SAMMSON: variants seen among roughly 807,000 people sequenced by gnomAD.
SAMMSON encodes the protein long intergenic non-protein coding RNA 1212.
Position 70,076,798 on chromosome 3 carries a change from A to T in SAMMSON, n.507+5233A>T. ...TTTGGAATGCGTTTCTACCACACTAATGAAGTGGAATTGGCAGTTCAGGTT... is the reference window on the plus strand; with the variant it reads ...TTTGGAATGCGTTTCTACCACACTATTGAAGTGGAATTGGCAGTTCAGGTT... On this transcript the variant is annotated intron_variant and non_coding_transcript_variant, in intron 4 of 9. Coordinates refer to ENST00000642114, the Ensembl canonical transcript of SAMMSON. Among the ~76,000 whole-genome samples, 2 of 152,212 alleles carry T rather than the reference A, an allele frequency of 1.3e-5. 1 individual carries two copies. Among genetic ancestry groups the T allele is most frequent in the African/African-American group, 4.8e-5 (2 of 41,464 alleles).
chr3:70,385,643 G>A (rs2106754381), intron 9 of SAMMSON, among the ~76,000 whole-genome samples: 1 of 152,136 alleles, frequency 6.6e-6, no homozygotes, highest in East Asian at 1.9e-4. Flanking sequence ...GCAATAGTCT[G>A]TCAATACTGA....
chr3:70,417,416 C>T (rs960630826), intron 2 of SAMMSON, among the ~76,000 whole-genome samples: 1 of 152,176 alleles, frequency 6.6e-6, no homozygotes, highest in Non-Finnish European at 1.5e-5. Context: ...ATCCAACTTT[C>T]TCTGTACAAT....
intron 4 of SAMMSON, among the ~76,000 whole-genome samples, chr3:70,207,584 C>T (rs1467489352): frequency 6.6e-6 from 1 of 151,818 alleles, no homozygotes; most frequent in Non-Finnish European, 1.5e-5. Flanking sequence ...GTTTCACATC[C>T]CCAATACAAC....
chr3:70,337,633 T>C (rs1191670872), intron 7 of SAMMSON, among the ~76,000 whole-genome samples: 1 of 152,030 alleles, frequency 6.6e-6, no homozygotes, highest in Admixed American at 6.6e-5. Context: ...AAACTGATAG[T>C]TGAAGTTGTG....
intron 4 of SAMMSON, among the ~76,000 whole-genome samples, chr3:70,244,305 A>G (rs1206443024): frequency 2.0e-5 from 3 of 152,222 alleles, no homozygotes; most frequent in African/African-American, 4.8e-5. Flanking sequence ...CGACCACTGC[A>G]GTGTAGACTT....
At chr3:70,247,139 C>T (rs1341915914) in intron 4 of SAMMSON, among the ~76,000 whole-genome samples, 1 of 151,802 alleles carries the variant, frequency 6.6e-6, no homozygotes, top group Non-Finnish European at 1.5e-5. Context: ...TGAATTTATT[C>T]TTGGCCATTG....
chr3:70,416,407 T>A (rs1037718153), intron 2 of SAMMSON, among the ~76,000 whole-genome samples: 1 of 152,162 alleles, frequency 6.6e-6, no homozygotes, highest in African/African-American at 2.4e-5. Flanking sequence ...CTGGAGTACA[T>A]CTAGTTACAA....
chr3:70,401,889 T>G (rs1026152645), intron 2 of SAMMSON, among the ~76,000 whole-genome samples: 1 of 152,162 alleles, frequency 6.6e-6, no homozygotes, highest in African/African-American at 2.4e-5. Flanking sequence ...AGGTTCTTCT[T>G]TATACTGAAG....
intron 4 of SAMMSON, among the ~76,000 whole-genome samples, chr3:70,246,345 G>A (rs1157015872): frequency 6.6e-6 from 1 of 152,046 alleles, no homozygotes; most frequent in Admixed American, 6.6e-5. Context: ...AACTGTCTAA[G>A]TCTAAATGCT....
intron 4 of SAMMSON, among the ~76,000 whole-genome samples, chr3:70,203,952 C>T (rs1264834705): frequency 6.6e-6 from 1 of 152,088 alleles, no homozygotes; most frequent in Non-Finnish European, 1.5e-5. Flanking sequence ...AGGGACCACA[C>T]ACGATGAACC....
At chr3:70,335,158 A>G (rs1702651679) in intron 7 of SAMMSON, among the ~76,000 whole-genome samples, 1 of 152,016 alleles carries the variant, frequency 6.6e-6, no homozygotes, top group Non-Finnish European at 1.5e-5. Flanking sequence ...TGCTTGACAC[A>G]TGAGCAGTGA....
At chr3:70,433,505 T>A (rs1381810089) in intron 2 of SAMMSON, among the ~76,000 whole-genome samples, 1 of 152,174 alleles carries the variant, frequency 6.6e-6, no homozygotes, top group Non-Finnish European at 1.5e-5. Flanking sequence ...AATCAGATTG[T>A]TTACTTTCTT....
At chr3:70,299,815 C>G (rs1478587746) in intron 7 of SAMMSON, among the ~76,000 whole-genome samples, 2 of 152,062 alleles carry the variant, frequency 1.3e-5, no homozygotes, top group South Asian at 2.1e-4. Flanking sequence ...TGAAGCCAAC[C>G]TCACATATAT....
At chr3:70,044,391 TC>T (rs2067116409) in intron 3 of SAMMSON, among the ~76,000 whole-genome samples, 1 of 151,992 alleles carries the variant, frequency 6.6e-6, no homozygotes, top group African/African-American at 2.4e-5. Flanking sequence ...GAGAAATAAG[TC>T]CCAAGACACT....
intron 4 of SAMMSON, among the ~76,000 whole-genome samples, chr3:70,223,034 C>A (rs1701474356): frequency 6.6e-6 from 1 of 152,222 alleles, no homozygotes; most frequent in East Asian, 1.9e-4. Context: ...GAGTTAGGGG[C>A]AGGCTTCAAA....
chr3:70,412,868 A>G (rs1472541217), intron 2 of SAMMSON, among the ~76,000 whole-genome samples: 1 of 152,122 alleles, frequency 6.6e-6, no homozygotes, highest in Non-Finnish European at 1.5e-5. Context: ...TACAATAATA[A>G]TTATTCTAAT....
At chr3:70,286,866 G>T (rs138557474) in intron 6 of SAMMSON, among the ~76,000 whole-genome samples, 15 of 151,974 alleles carry the variant, frequency 9.9e-5, no homozygotes, top group African/African-American at 3.4e-4. Context: ...TTTGTCTGTT[G>T]TTGGTGTATA....
intron 4 of SAMMSON, among the ~76,000 whole-genome samples, chr3:70,191,302 G>A (rs540951615): frequency 1.3e-5 from 2 of 152,328 alleles, no homozygotes; most frequent in Admixed American, 6.5e-5. Flanking sequence ...TAGCTTTTGA[G>A]ATAAAAGGTC....
At position 70,203,641 on chromosome 3, in the gene SAMMSON, T is replaced by G. The variant is rs560233540; in HGVS notation, n.508-45466T>G. ...GGTGACACTGGTGCATTTAATTGTA[T>G]GAAATTTACAGTGTAGAAAATGTAA... On this transcript the variant is annotated intron_variant and non_coding_transcript_variant, in intron 4 of 9. Transcript: ENST00000642114. Among the ~76,000 whole-genome samples, 226 of 152,302 alleles carry G rather than the reference T, an allele frequency of 1.5e-3. 2 individuals carry two copies. Among genetic ancestry groups the G allele is most frequent in the Non-Finnish European group, 1.0e-3 (70 of 68,012 alleles).
Sources: allele counts gnomAD v4.1 joint callset (sites outside exome capture counted in the v4.1 genomes callset), GRCh38; gene constraint gnomAD v4.1.1; transcripts MANE v1.5; gene names NCBI Gene and HGNC (gene_info 2026-07-23, HGNC 2026-07-21).